The following ABCB5 variants were observed in gnomAD, a reference collection of about 807,000 sequenced individuals.
The protein encoded by ABCB5 is ATP binding cassette subfamily B member 5.
In ABCB5, 155 loss-of-function variants were observed where a neutral mutation model predicts 144.2. That is an observed-to-expected ratio of 1.08 (90% CI 0.94 to 1.23). The LOEUF (loss-of-function observed/expected upper bound fraction) is 1.23. ABCB5 is among the 50% of genes most tolerant of loss of function. ABCB5 has a pLI of 0.00. For missense variants in ABCB5, 1,830 were observed against 1,520.8 expected, an observed-to-expected ratio of 1.20 and a Z score of -3.38; for synonymous variants, 610 against 528.6, an observed-to-expected ratio of 1.15 and a Z score of -2.11.
intron 4 of ABCB5, among the ~76,000 whole-genome samples, chr7:20,629,447 G>C (rs1783984258): frequency 6.6e-6 from 1 of 152,098 alleles, no homozygotes; most frequent in Non-Finnish European, 1.5e-5. Context: ...CAGGCCACTA[G>C]GATGTAACAC....
At chr7:20,719,976 C>A (rs563915709) in intron 20 of ABCB5, among the ~76,000 whole-genome samples, 1 of 151,442 alleles carries the variant, frequency 6.6e-6, no homozygotes, top group Non-Finnish European at 1.5e-5. Context: ...CACACACATT[C>A]TCTAGTCTGA....
At chr7:20,644,089 GTTTTT>G (rs11345008) in intron 7 of ABCB5, among the ~76,000 whole-genome samples, 2 of 145,772 alleles carry the variant, frequency 1.4e-5, no homozygotes, top group South Asian at 2.2e-4. Flanking sequence ...TATATGTAAA[GTTTTT>G]TTTTTTTTTG....
At chr7:20,616,881 G>A (rs1214369828) in intron 1 of ABCB5, among the ~76,000 whole-genome samples, 5 of 152,186 alleles carry the variant, frequency 3.3e-5, no homozygotes, top group Admixed American at 6.5e-5. Context: ...ACCTTGTGTC[G>A]CTTTGTCTCA....
At chr7:20,735,646 T>A (rs1253880931) in intron 23 of ABCB5, among the ~76,000 whole-genome samples, 1 of 151,670 alleles carries the variant, frequency 6.6e-6, no homozygotes, top group Non-Finnish European at 1.5e-5. Context: ...AGAAGAGAAA[T>A]CAAAGGACAG....
chr7:20,678,871 T>C (rs992362758), intron 14 of ABCB5, among the ~76,000 whole-genome samples: 3 of 152,084 alleles, frequency 2.0e-5, no homozygotes, highest in Admixed American at 6.6e-5. Context: ...TGCAGTATAG[T>C]AGGGAAATGA....
chr7:20,745,476 CAAGT>C, intron 26 of ABCB5, 38 bp downstream of exon 26: 2 of 1,599,624 alleles, frequency 1.3e-6, no homozygotes, highest in Non-Finnish European at 1.7e-6. Flanking sequence ...ATAAAGCTGC[CAAGT>C]AAGGCTAAGT....
chr7:20,704,735 G>T lies in ABCB5; in HGVS notation c.2349G>T (p.Trp783Cys), dbSNP rs1786761889. 1 of 1,613,316 alleles carries T rather than the reference G, an allele frequency of 6.2e-7. No homozygotes were observed. Among genetic ancestry groups the T allele is most frequent in the African/African-American group, 1.3e-5 (1 of 74,872 alleles). Residue 783 changes from tryptophan to cysteine, a missense_variant, in exon 20 of 28, where the codon TGG becomes TGT. Coordinates refer to ENST00000404938, the MANE Select transcript of ABCB5 (RefSeq NM_001163941.2). ...FKAMLYQDIA[W>C]FDEKENSTGG... ...CTCCTTTTCTCTAGGATATTGCCTG[G>T]TTTGATGAAAAGGAAAACAGCACAG... is the stretch of plus-strand genomic sequence containing the variant.
chr7:20,616,520 CA>C (rs1405320110), intron 1 of ABCB5, among the ~76,000 whole-genome samples: 1 of 152,104 alleles, frequency 6.6e-6, no homozygotes, highest in African/African-American at 2.4e-5. Context: ...TTTTTTAAGG[CA>C]AAAGTCCTTA....
At chr7:20,657,496 T>G (rs886932641) in intron 13 of ABCB5, among the ~76,000 whole-genome samples, 1 of 152,140 alleles carries the variant, frequency 6.6e-6, no homozygotes, top group Non-Finnish European at 1.5e-5. Flanking sequence ...AACATTAAGC[T>G]AGGTAAAAGA....
intron 16 of ABCB5, among the ~76,000 whole-genome samples, chr7:20,696,215 T>C (rs1786409989): frequency 6.6e-6 from 1 of 152,092 alleles, no homozygotes; most frequent in African/African-American, 2.4e-5. Context: ...AGCTATACAG[T>C]GAAATGCTAT....
intron 14 of ABCB5, among the ~76,000 whole-genome samples, chr7:20,673,788 T>G (rs1180747679): frequency 1.3e-5 from 2 of 152,038 alleles, no homozygotes; most frequent in African/African-American, 4.8e-5. Context: ...TATTATTAAA[T>G]TAAATCAGTC....
chr7:20,727,605 C>A (rs1782077557), intron 22 of ABCB5, among the ~76,000 whole-genome samples: 1 of 152,014 alleles, frequency 6.6e-6, no homozygotes, highest in African/African-American at 2.4e-5. Context: ...TGTGGTGGTG[C>A]ACACTTGTAG....
chr7:20,714,388 T>A (rs1464244302), intron 20 of ABCB5, among the ~76,000 whole-genome samples: 15 of 152,150 alleles, frequency 9.9e-5, no homozygotes, highest in Admixed American at 9.8e-4. Flanking sequence ...TGCTAAAGAA[T>A]CTAAGAAAGC....
intron 14 of ABCB5, chr7:20,666,999 G>T (rs1785219357): frequency 2.7e-6 from 2 of 746,532 alleles, no homozygotes; most frequent in Non-Finnish European, 1.9e-6. Flanking sequence ...TCACTATGAG[G>T]AGTATATCGG....
chr7:20,711,955 C>T (rs1364778330), intron 20 of ABCB5, among the ~76,000 whole-genome samples: 1 of 134,864 alleles, frequency 7.4e-6, no homozygotes, highest in African/African-American at 2.8e-5. Flanking sequence ...CAAGATATTG[C>T]TCAGCTGGGC....
intron 24 of ABCB5, among the ~76,000 whole-genome samples, chr7:20,741,112 A>C (rs1202010048): frequency 2.6e-5 from 4 of 151,870 alleles, no homozygotes; most frequent in Non-Finnish European, 2.9e-5. Flanking sequence ...CAAAAAAAAA[A>C]AAAAAAAATT....
At chr7:20,624,152 T>A (rs1444432422) in intron 2 of ABCB5, among the ~76,000 whole-genome samples, 1 of 152,212 alleles carries the variant, frequency 6.6e-6, no homozygotes. Flanking sequence ...TGCCCCAGCA[T>A]CCTGGTGTAA....
chr7:20,645,929 G>A, intron 8 of ABCB5, 32 bp from the exon 9 acceptor site: 1 of 1,612,466 alleles, frequency 6.2e-7, no homozygotes, highest in Non-Finnish European at 8.5e-7. Context: ...ATTTTCCCCA[G>A]TGGCTACTAA....
rs760167994 is a variant in ABCB5 at position 20,658,594 on chromosome 7, A to T, written c.1625A>T (p.Asn542Ile). ...RIAIARALVR[N>I]PKILILDEAT... ...GCAATTGCTCGTGCCTTAGTTCGAA[A>T]CCCCAAGATTCTGATTTTAGATGAG... Residue 542 changes from asparagine to isoleucine, a missense_variant, in exon 14 of 28, where the codon AAC becomes ATC. Physicochemically the swap from Asn to Ile is moderately radical, Grantham distance 149. Coordinates refer to ENST00000404938, the MANE Select transcript of ABCB5 (RefSeq NM_001163941.2). 6.2e-6 allele frequency: 10 copies of T among 1,614,100 alleles called. No homozygotes were observed. The Admixed American group carries it at 1.3e-4, about 22-fold the overall frequency.
Sources: gnomAD v4.1 joint callset for allele counts (sites outside exome capture counted in the v4.1 genomes callset) on GRCh38, gnomAD v4.1.1 for gene constraint, MANE v1.5 for transcripts, NCBI Gene and HGNC (gene_info 2026-07-23, HGNC 2026-07-21) for gene names.